Variants in SSMEM1 observed in about 807,000 individuals in gnomAD.
SSMEM1 encodes the protein serine rich single-pass membrane protein 1.
SSMEM1 carries 12 observed loss-of-function variants against 9.9 expected under a neutral mutation model. The observed-to-expected ratio is 1.21, with a 90% confidence interval of 0.78 to 1.96. The LOEUF is 1.96. Ranked by LOEUF, SSMEM1 falls within the 30% of genes most tolerant of loss-of-function variation. SSMEM1 has a pLI of 0.00. For missense variants in SSMEM1, 259 were observed against 292.2 expected (o/e 0.89, Z 0.83); for synonymous variants, 96 against 98.9 (o/e 0.97, Z 0.17).
intron 1 of SSMEM1, among the ~76,000 whole-genome samples, chr7:130,209,830 G>A (rs560433349): frequency 2.0e-5 from 3 of 152,242 alleles, no homozygotes; most frequent in South Asian, 2.1e-4. Context: ...CACCCGCCTC[G>A]GCCTCCCAAA....
intron 1 of SSMEM1, among the ~76,000 whole-genome samples, chr7:130,209,064 T>C (rs528634237): frequency 6.6e-6 from 1 of 152,324 alleles, no homozygotes; most frequent in East Asian, 1.9e-4. Flanking sequence ...GGTTTCACCA[T>C]GTTGGCCAGG....
At chr7:130,212,582 G>A (rs561645497) in intron 1 of SSMEM1, among the ~76,000 whole-genome samples, 16 of 151,850 alleles carry the variant, frequency 1.1e-4, no homozygotes, top group African/African-American at 2.9e-4. Flanking sequence ...AAAATTAGCC[G>A]GGCGTGGTGG....
intron 2 of SSMEM1, among the ~76,000 whole-genome samples, 163 bp downstream of exon 2, chr7:130,213,697 A>C (rs1269835855): frequency 6.8e-6 from 1 of 146,684 alleles, no homozygotes; most frequent in Non-Finnish European, 1.5e-5. Context: ...AGTACCAAAA[A>C]AAAAAAAAAA....
At chr7:130,205,643 A>G, upstream of SSMEM1, 1 of 592,396 alleles carries the variant, frequency 1.7e-6, no homozygotes, top group Non-Finnish European at 3.0e-6. Context: ...AAAAGTAATA[A>G]TTGTAACAAG....
chr7:130,210,083 G>GAC (rs1245172185), intron 1 of SSMEM1, among the ~76,000 whole-genome samples: 1 of 152,184 alleles, frequency 6.6e-6, no homozygotes. Context: ...AAGTGTTAGT[G>GAC]ACAGAAGGGG....
chr7:130,211,085 T>C (rs1798582052), intron 1 of SSMEM1, among the ~76,000 whole-genome samples: 1 of 152,072 alleles, frequency 6.6e-6, no homozygotes. Flanking sequence ...TTTTTCCTTT[T>C]CTATAACCTA....
At position 130,213,376 on chromosome 7, in the gene SSMEM1, A is replaced by C. The variant is rs1353445427; in HGVS notation, c.184-104A>C. On this transcript the variant is annotated intron_variant, in intron 1 of 2. Coordinates refer to ENST00000297819, the MANE Select transcript of SSMEM1 (RefSeq NM_145268.4). ...AAATAAATAAAATAATAAAAAAATA[A>C]AACCAGACATTATAAATGGGCCTCA... 5 of 819,694 alleles carry C rather than the reference A, an allele frequency of 6.1e-6. No individual in the cohort carries two copies. In the African/African-American group the frequency reaches 8.9e-5, roughly 15 times the overall value. 50.8% of individuals were successfully genotyped at this position (819,694 alleles called of 1,614,324 possible).
At chr7:130,213,796 A>G (rs974475233) in intron 2 of SSMEM1, among the ~76,000 whole-genome samples, 25 of 152,222 alleles carry the variant, frequency 1.6e-4, no homozygotes, top group Non-Finnish European at 3.1e-4. Context: ...AGCAAAAAAC[A>G]GAGATGAACA....
chr7:130,205,542 C>T, upstream of SSMEM1: 15 of 1,070,796 alleles, frequency 1.4e-5, 1 homozygote, highest in South Asian at 1.2e-4. Context: ...CGGAGCGTTA[C>T]CAGGGAAACA....
chr7:130,215,504 GT>G (rs1433720618), intron 2 of SSMEM1, among the ~76,000 whole-genome samples: 1 of 152,118 alleles, frequency 6.6e-6, no homozygotes, highest in Non-Finnish European at 1.5e-5. Flanking sequence ...TAATGGCTAT[GT>G]TTAACCATCT....
At position 130,216,595 on chromosome 7, in the gene SSMEM1, A is replaced by C; in HGVS notation, c.*125A>C. 3 of 1,199,600 alleles carry C rather than the reference A, an allele frequency of 2.5e-6. No homozygotes were observed. Among genetic ancestry groups the C allele is most frequent in the Non-Finnish European group, 3.5e-6 (3 of 862,882 alleles). 74.3% of individuals were successfully genotyped at this position (1,199,600 alleles called of 1,614,324 possible). ...TCTCTCTACCAACAAACAAAAACAT[A>C]CTTGGAACCCAAGAGGTAAAATCTC... On this transcript the variant is annotated 3_prime_UTR_variant, in exon 3 of 3. Coordinates refer to ENST00000297819, the MANE Select transcript of SSMEM1 (RefSeq NM_145268.4).
chr7:130,205,422 G>T, upstream of SSMEM1: 1 of 1,613,348 alleles, frequency 6.2e-7, no homozygotes, highest in Non-Finnish European at 8.5e-7. Context: ...CTCTGGGCAT[G>T]CGCAAAGCCA....
chr7:130,206,633 G>A (rs1798478514), upstream of SSMEM1, among the ~76,000 whole-genome samples: 1 of 152,192 alleles, frequency 6.6e-6, no homozygotes, highest in Non-Finnish European at 1.5e-5. Context: ...TCTAGTTTTA[G>A]ATTTAGAGAT....
Position 130,216,526 on chromosome 7 carries a change from G to A in SSMEM1, c.*56G>A. The A allele has an allele frequency of 6.4e-7, 1 of 1,564,660 alleles. No homozygotes were observed. On this transcript the variant is annotated 3_prime_UTR_variant, in exon 3 of 3. Coordinates refer to ENST00000297819, the MANE Select transcript of SSMEM1 (RefSeq NM_145268.4). ...CAAATGAAAGAGATGAATAAAACAT[G>A]AAAAATCACCAGAGCTATAGGTGAG...
At chr7:130,213,265 T>C (rs2697016) in intron 1 of SSMEM1, among the ~76,000 whole-genome samples, 51,725 of 151,778 alleles carry the variant, frequency 0.34, 9,193 homozygotes, top group East Asian at 0.59. Flanking sequence ...GGAGAATCAC[T>C]TGAACCCGGA....
intron 1 of SSMEM1, among the ~76,000 whole-genome samples, chr7:130,210,352 A>G (rs1393886404): frequency 6.6e-6 from 1 of 152,154 alleles, no homozygotes; most frequent in East Asian, 1.9e-4. Context: ...TTTCTCTGCT[A>G]AACTATGAGG....
chr7:130,211,160 C>T (rs1219786619), intron 1 of SSMEM1, among the ~76,000 whole-genome samples: 12 of 133,974 alleles, frequency 9.0e-5, no homozygotes, highest in Middle Eastern at 4.1e-3. Context: ...AAAGTGGTAT[C>T]TTTTTTTTTT....
At chr7:130,211,968 A>G (rs905035944) in intron 1 of SSMEM1, among the ~76,000 whole-genome samples, 5 of 152,088 alleles carry the variant, frequency 3.3e-5, no homozygotes, top group African/African-American at 1.2e-4. Flanking sequence ...TGAATTTTCT[A>G]TTATCCTAAT....
intron 1 of SSMEM1, among the ~76,000 whole-genome samples, chr7:130,209,585 A>G (rs960793718): frequency 1.3e-5 from 2 of 152,022 alleles, no homozygotes; most frequent in Non-Finnish European, 1.5e-5. Flanking sequence ...TATTTTTTTT[A>G]TTTTTATTTT....
Sources: gnomAD v4.1 joint callset for allele counts (sites outside exome capture counted in the v4.1 genomes callset) on GRCh38, gnomAD v4.1.1 for gene constraint, MANE v1.5 for transcripts, NCBI Gene and HGNC (gene_info 2026-07-23, HGNC 2026-07-21) for gene names.